The following CCSER2 variants were observed in gnomAD, a reference collection of about 807,000 sequenced individuals.
CCSER2 encodes the protein coiled-coil serine rich protein 2.
Under a neutral mutation model 92.3 loss-of-function variants are expected in CCSER2, and 46 were observed. The observed-to-expected ratio is 0.50, with a 90% confidence interval of 0.39 to 0.64. CCSER2 has a LOEUF of 0.64. Among genes scored for constraint, CCSER2 ranks in the 30% least tolerant of loss-of-function variants. The pLI, the probability that CCSER2 is intolerant of heterozygous loss-of-function variation, is 0.00. For synonymous variants in CCSER2, 433 were observed against 431.4 expected (o/e 1.00, Z -0.04); for missense variants, 1,244 against 1,238.9 (o/e 1.00, Z -0.06).
chr10:84,369,689 A>G (rs911246206), intron 1 of CCSER2, among the ~76,000 whole-genome samples: 4 of 151,706 alleles, frequency 2.6e-5, no homozygotes, highest in Non-Finnish European at 5.9e-5. Context: ...TTTTTGTTGC[A>G]TTTGCTTTTT....
intron 3 of CCSER2, among the ~76,000 whole-genome samples, chr10:84,412,877 G>T (rs1344296696): frequency 1.3e-5 from 2 of 152,300 alleles, no homozygotes; most frequent in Non-Finnish European, 2.9e-5. Context: ...CCCAAAAAAG[G>T]TGTATGTGTC....
chr10:84,361,796 A>G (rs1262568499), intron 1 of CCSER2, among the ~76,000 whole-genome samples: 1 of 151,908 alleles, frequency 6.6e-6, no homozygotes, highest in African/African-American at 2.4e-5. Context: ...ATGCACCACC[A>G]TGCCTGGCTA....
intron 1 of CCSER2, among the ~76,000 whole-genome samples, chr10:84,351,925 C>A (rs895970160): frequency 2.0e-5 from 3 of 152,112 alleles, no homozygotes; most frequent in African/African-American, 4.8e-5. Flanking sequence ...GAGAACATTT[C>A]TTTTGGTACA....
At chr10:84,365,720 T>C (rs74147547) in intron 1 of CCSER2, among the ~76,000 whole-genome samples, 11,798 of 152,222 alleles carry the variant, frequency 0.078, 515 homozygotes, top group Middle Eastern at 0.12. Flanking sequence ...TAACATGTAT[T>C]ACCCTCATCT....
chr10:84,396,896 G>A (rs746683329), intron 3 of CCSER2, among the ~76,000 whole-genome samples: 1 of 152,086 alleles, frequency 6.6e-6, no homozygotes, highest in Non-Finnish European at 1.5e-5. Context: ...ATTGTGCATT[G>A]TTTATTCAAT....
chr10:84,330,273 A>G (rs925815947), intron 1 of CCSER2, among the ~76,000 whole-genome samples: 4 of 152,192 alleles, frequency 2.6e-5, no homozygotes, highest in African/African-American at 9.7e-5. Flanking sequence ...CCCTCTCTAT[A>G]TAAGACTGTT....
chr10:84,483,699 A>G (rs1847591661), intron 9 of CCSER2, among the ~76,000 whole-genome samples: 2 of 150,718 alleles, frequency 1.3e-5, no homozygotes, highest in Admixed American at 6.6e-5. Context: ...CCCCAAATCC[A>G]TTTTCTTAGA....
chr10:84,350,329 A>G (rs1053115905), intron 1 of CCSER2, among the ~76,000 whole-genome samples: 5 of 152,144 alleles, frequency 3.3e-5, no homozygotes, highest in Admixed American at 1.3e-4. Context: ...TATTTTTCCT[A>G]AAGCATTTCG....
At chr10:84,364,626 G>A (rs1564600594) in intron 1 of CCSER2, among the ~76,000 whole-genome samples, 2 of 152,126 alleles carry the variant, frequency 1.3e-5, no homozygotes, top group Admixed American at 6.6e-5. Flanking sequence ...TATCATGTAA[G>A]TGCTTAATAA....
intron 4 of CCSER2, among the ~76,000 whole-genome samples, chr10:84,418,492 T>G (rs1842984233): frequency 6.6e-6 from 1 of 152,020 alleles, no homozygotes; most frequent in Admixed American, 6.6e-5. Context: ...GAGGCAAAGG[T>G]TGAAATGGGG....
intron 1 of CCSER2, among the ~76,000 whole-genome samples, chr10:84,336,201 T>A (rs1037387860): frequency 6.6e-6 from 1 of 152,210 alleles, no homozygotes; most frequent in Non-Finnish European, 1.5e-5. Context: ...ATTCCTTCAA[T>A]CCTGGCTTAG....
At chr10:84,484,892 G>A (rs890837486) in intron 9 of CCSER2, among the ~76,000 whole-genome samples, 5 of 151,926 alleles carry the variant, frequency 3.3e-5, no homozygotes, top group African/African-American at 7.3e-5. Flanking sequence ...ACCAATAACC[G>A]AAAAAACATA....
At chr10:84,469,091 G>C (rs772946919) in intron 7 of CCSER2, among the ~76,000 whole-genome samples, 12 of 152,110 alleles carry the variant, frequency 7.9e-5, no homozygotes, top group Non-Finnish European at 1.6e-4. Context: ...TAATATACTT[G>C]AGATATAAAT....
Position 84,455,840 on chromosome 10 carries a change from G to A in CCSER2, c.2065-8093G>A, listed in dbSNP as rs145542512. ...CCATCCATAATTACTGGTTTTCACT[G>A]TATATCCCATTGTAACGGGAGCAAC... is the stretch of plus-strand genomic sequence containing the variant. On this transcript the variant is annotated intron_variant, in intron 6 of 9. Transcript: ENST00000372088. 51 of 795,762 alleles carry A rather than the reference G, an allele frequency of 6.4e-5. No individual in the cohort carries two copies. The African/African-American group carries it at 8.1e-4, about 13-fold the overall frequency. The allele number at this position is 795,762 out of a possible 1,614,324, so 49.3% of individuals were successfully genotyped here.
intron 9 of CCSER2, among the ~76,000 whole-genome samples, chr10:84,504,557 G>A (rs1205819111): frequency 6.6e-6 from 1 of 152,064 alleles, no homozygotes; most frequent in Non-Finnish European, 1.5e-5. Context: ...CCTTTTGGCT[G>A]GAGAATTGTT....
chr10:84,369,799 C>G (rs535983883), intron 1 of CCSER2, among the ~76,000 whole-genome samples: 33 of 152,162 alleles, frequency 2.2e-4, no homozygotes, highest in African/African-American at 7.5e-4. Flanking sequence ...GGATTTAAGT[C>G]TTAAATCCAT....
chr10:84,383,687 T>C (rs1841039403), intron 3 of CCSER2, among the ~76,000 whole-genome samples: 1 of 152,212 alleles, frequency 6.6e-6, no homozygotes, highest in South Asian at 2.1e-4. Flanking sequence ...TTTGCTAGTT[T>C]TTCACTTTAT....
intron 3 of CCSER2, among the ~76,000 whole-genome samples, chr10:84,408,390 T>C (rs1451076767): frequency 6.6e-6 from 1 of 152,140 alleles, no homozygotes; most frequent in African/African-American, 2.4e-5. Context: ...GATTTATTTA[T>C]ATATGTTTGA....
At chr10:84,418,723 A>G (rs1340404282) in intron 4 of CCSER2, among the ~76,000 whole-genome samples, 1 of 152,158 alleles carries the variant, frequency 6.6e-6, no homozygotes, top group Non-Finnish European at 1.5e-5. Flanking sequence ...CTGCTTTACT[A>G]CAAGCTTATA....
Sources: allele counts gnomAD v4.1 joint callset (sites outside exome capture counted in the v4.1 genomes callset), GRCh38; gene constraint gnomAD v4.1.1; transcripts MANE v1.5; gene names NCBI Gene and HGNC (gene_info 2026-07-23, HGNC 2026-07-21).